The following LYST variants were observed in gnomAD, a reference collection of about 807,000 sequenced individuals.
LYST encodes lysosomal-trafficking regulator.
Under a neutral mutation model 413.6 loss-of-function variants are expected in LYST, and 192 were observed. The observed-to-expected ratio is 0.46, with a 90% CI of 0.41 to 0.52. LYST has a LOEUF of 0.52. Ranked by LOEUF, LYST falls within the 20% of genes least tolerant of loss-of-function variation. LYST has a pLI of 0.00. For synonymous variants in LYST, 1,525 were observed against 1,567.3 expected (o/e 0.97, Z 0.64); for missense variants, 3,815 against 4,499.9 (o/e 0.85, Z 4.35).
chr1:235,865,928 G>T (rs1680452225), intron 1 of LYST, among the ~76,000 whole-genome samples: 1 of 152,108 alleles, frequency 6.6e-6, no homozygotes. Flanking sequence ...CACAAGATTC[G>T]ACTCCCTTAA....
chr1:235,697,154 G>A lies in LYST; in HGVS notation c.10493C>T (p.Ala3498Val), dbSNP rs761761594. Residue 3498 changes from alanine to valine, a missense_variant, in exon 46 of 53, where the codon GCT (alanine) becomes GTT (valine). Around this residue, in one of 4 missense-constraint regions of LYST, gnomAD observed 866 missense variants for 1,156.0 expected, o/e 0.75. Coordinates refer to ENST00000389793, the MANE Select transcript of LYST (RefSeq NM_000081.4). ...ACCACAGATTGCTCTGGTGGGCAGAGCCTGGAGAGAGCCAAATCTTTCTCC... is the reference window on the plus strand; with the variant it reads ...ACCACAGATTGCTCTGGTGGGCAGAACCTGGAGAGAGCCAAATCTTTCTCC... ...PHGERFGSLQ[A>V]LPTRAICGLS... 3 of 1,614,182 alleles carry A rather than the reference G, an allele frequency of 1.9e-6. No homozygotes were observed. The highest frequency in any genetic ancestry group is 2.5e-6 in the Non-Finnish European group (3 of 1,180,014).
In LYST at chr1:235,744,139, A is replaced by C. The variant is rs1202956106; in HGVS notation, c.7991T>G (p.Ile2664Ser). 6.3e-7 allele frequency: 1 copy of C among 1,582,528 alleles called. No individual in the cohort carries two copies. The highest frequency in any genetic ancestry group is 8.7e-7 in the Non-Finnish European group (1 of 1,151,622). The change falls in exon 30 of 53, where the codon ATT (isoleucine) becomes AGT (serine). Residue 2664 changes from isoleucine to serine, a missense_variant. Transcript: ENST00000389793. ...ATTTTCTGGAGTTCTCAAAATGTCA[A>C]TAATGTCTGAATTAAATTCTTTGAA... ...IIYQEFNSDI[I>S]DILRTPENVT...
At chr1:235,751,973 C>T in intron 27 of LYST, 32 bp downstream of exon 27, 1 of 1,515,016 alleles carries the variant, frequency 6.6e-7, no homozygotes, top group Non-Finnish European at 9.1e-7. Flanking sequence ...TTATACAACT[C>T]CCTCCCCAAA....
At chr1:235,713,080 C>G (rs1477979501) in intron 42 of LYST, 1 of 985,272 alleles carries the variant, frequency 1.0e-6, no homozygotes, top group Non-Finnish European at 1.2e-6. Context: ...CTTCTCCCAG[C>G]CTTAGTTGCT....
At chr1:235,701,426 G>A (rs1351573135) in intron 45 of LYST, among the ~76,000 whole-genome samples, 1 of 151,952 alleles carries the variant, frequency 6.6e-6, no homozygotes, top group Non-Finnish European at 1.5e-5. Flanking sequence ...CCAGGAGTTC[G>A]AGACCAGCCC....
At chr1:235,848,498 C>T (rs1678151311) in intron 1 of LYST, among the ~76,000 whole-genome samples, 1 of 151,732 alleles carries the variant, frequency 6.6e-6, no homozygotes, top group Admixed American at 6.6e-5. Flanking sequence ...AACCCAAACC[C>T]AGCAGAAGAA....
Position 235,808,687 on chromosome 1 carries a change from T to C in LYST, c.2131A>G (p.Ile711Val). ...ATTAAATTGCAAATGTGATTTGCAA[T>C]CTGTATACTATGTAATCTGTCTTCT... ...FEEDRLHSIQ[I>V]ANHICNLIQK... is the part of the protein sequence containing the mutation. Residue 711 changes from isoleucine (I) to valine (V), a missense_variant, in exon 5 of 53, where the codon ATT (isoleucine) becomes GTT (valine). Physicochemically the swap from Ile to Val is conservative, Grantham distance 29 (BLOSUM62 3). This residue lies in a region of LYST where 1,648 missense variants were observed against 1,810.3 expected (regional missense o/e 0.91). Transcript: ENST00000389793. 1 of 1,613,936 alleles carries C rather than the reference T, an allele frequency of 6.2e-7. No individual in the cohort carries two copies. Among genetic ancestry groups the C allele is most frequent in the Non-Finnish European group, 8.5e-7 (1 of 1,179,906 alleles).
chr1:235,737,645 C>A (rs543806158), intron 31 of LYST: 1 of 152,588 alleles, frequency 6.6e-6, no homozygotes, highest in African/African-American at 2.4e-5. Flanking sequence ...AAGGCCATGT[C>A]GACACAACAA....
chr1:235,808,451 A>G lies in LYST; in HGVS notation c.2363+4T>C, dbSNP rs201398337. On this transcript the variant is annotated splice_donor_region_variant and intron_variant, in intron 5 of 52. Transcript: ENST00000389793. The stretch of plus-strand genomic sequence containing the variant: ...CCCCCGCCGCCACCCACACACATAC[A>G]AACCTGGATTTAAGCAGGATAGGCA... The G allele has an allele frequency of 1.2e-3, 1,960 of 1,612,428 alleles. 6 individuals are homozygous for G. The highest frequency in any genetic ancestry group is 1.3e-3 in the Non-Finnish European group (1,561 of 1,179,334).
intron 12 of LYST, among the ~76,000 whole-genome samples, chr1:235,791,238 C>T (rs933804039): frequency 1.3e-5 from 2 of 151,814 alleles, no homozygotes; most frequent in Non-Finnish European, 2.9e-5. Flanking sequence ...GCCGAGATCG[C>T]GCCATTGCAC....
chr1:235,779,320 A>T (rs1036129138), intron 16 of LYST, among the ~76,000 whole-genome samples: 1 of 152,230 alleles, frequency 6.6e-6, no homozygotes, highest in Non-Finnish European at 1.5e-5. Context: ...TGTAACTTAT[A>T]TGACCTATAT....
rs765448746 is a variant in LYST, at chr1:235,770,277, C to T, written c.5805G>A (p.Leu1935=). 1 of 1,613,732 alleles carries T rather than the reference C, an allele frequency of 6.2e-7. No homozygotes were observed. Among genetic ancestry groups the T allele is most frequent in the Admixed American group, 1.7e-5 (1 of 59,984 alleles). ...TGATGAGGACTTCTAGAGCTGCTAG[C>T]AAAGTTTCCCAAACACCTTGCTGAA... The part of the protein sequence containing the change: ...SKAEQGVWET[L]LAALEVLIRA... Residue 1935 remains leucine, a synonymous_variant, in exon 20 of 53, where the codon TTG becomes TTA. Transcript: ENST00000389793.
Position 235,730,874 on chromosome 1 carries a change from T to C in LYST, c.9017A>G (p.Lys3006Arg), listed in dbSNP as rs140934482. 1,262 of 1,613,016 alleles carry C rather than the reference T, an allele frequency of 7.8e-4. 2 individuals are homozygous for C. Among genetic ancestry groups the C allele is most frequent in the South Asian group, 1.6e-3 (150 of 91,056 alleles). The change falls in exon 36 of 53, where the codon AAA becomes AGA. Residue 3006 changes from lysine (K) to arginine (R), a missense_variant. Around this residue, in one of 4 missense-constraint regions of LYST, gnomAD observed 866 missense variants for 1,156.0 expected, o/e 0.75. Coordinates refer to ENST00000389793, the MANE Select transcript of LYST (RefSeq NM_000081.4). The stretch of plus-strand genomic sequence containing the variant: ...TATAGATTCACTTGCAGCTTTGTCT[T>C]TGACAGTAGAAGAGAAAGAAGAATG... ...KTHSSFSSTV[K>R]DKAASESIRV...
Position 235,720,811 on chromosome 1 carries a change from G to T in LYST, c.9410C>A (p.Thr3137Asn), listed in dbSNP as rs141320974. The T allele has an allele frequency of 1.4e-5, 22 of 1,613,942 alleles. No homozygotes were observed. Among genetic ancestry groups the T allele is most frequent in the Admixed American group, 5.0e-5 (3 of 60,000 alleles). The change falls in exon 40 of 53, where the codon ACT (threonine) becomes AAT (asparagine). Residue 3137 changes from threonine (T) to asparagine (N), a missense_variant. Around this residue, in one of 4 missense-constraint regions of LYST, gnomAD observed 866 missense variants for 1,156.0 expected, o/e 0.75. Coordinates refer to ENST00000389793, the MANE Select transcript of LYST (RefSeq NM_000081.4). ...NITALTNLWY[T>N]GQITNFEYLT... ...ATATTCAAAATTAGTAATTTGCCCA[G>T]TATACCATAAATTTGTCAGAGCGGT...
chr1:235,830,307 C>A lies in LYST; in HGVS notation c.111G>T (p.Thr37=). 1 of 1,613,808 alleles carries A rather than the reference C, an allele frequency of 6.2e-7. No homozygotes were observed. The highest frequency in any genetic ancestry group is 8.5e-7 in the Non-Finnish European group (1 of 1,179,792). The change falls in exon 3 of 53, where the codon ACG becomes ACT. Residue 37 remains threonine (T), a synonymous_variant. Transcript: ENST00000389793. ...VEAREEEEEE[T]HMATLGQYLV... is the part of the protein sequence containing the mutation. Reference sequence around the variant, plus strand: ...GGTACTGTCCAAGGGTTGCCATGTGCGTCTCCTCCTCTTCTTCCTCCCTGG... The same window carrying A: ...GGTACTGTCCAAGGGTTGCCATGTGAGTCTCCTCCTCTTCTTCCTCCCTGG...
chr1:235,778,008 G>C (rs1669455382), intron 16 of LYST, among the ~76,000 whole-genome samples: 1 of 148,616 alleles, frequency 6.7e-6, no homozygotes, highest in Non-Finnish European at 1.5e-5. Flanking sequence ...CCGTAGCCTT[G>C]AACTCCTAGG....
chr1:235,857,784 C>CACACACACAT (rs145820873), intron 1 of LYST, among the ~76,000 whole-genome samples: 63 of 122,124 alleles, frequency 5.2e-4, no homozygotes, highest in African/African-American at 1.8e-3. Context: ...CACACACACA[C>CACACACACAT]ATATATATAT....
chr1:235,738,814 C>T, intron 31 of LYST: 1 of 804,752 alleles, frequency 1.2e-6, no homozygotes, highest in Non-Finnish European at 2.3e-6. Flanking sequence ...CGGGTGCACC[C>T]AATTTCCACC....
At chr1:235,859,136 T>A (rs1260065061) in intron 1 of LYST, among the ~76,000 whole-genome samples, 1 of 152,216 alleles carries the variant, frequency 6.6e-6, no homozygotes, top group African/African-American at 2.4e-5. Flanking sequence ...CTTATATCTA[T>A]ATCTACCCCA....
Sources: allele counts gnomAD v4.1 joint callset (sites outside exome capture counted in the v4.1 genomes callset), GRCh38; gene constraint gnomAD v4.1.1; regional missense constraint gnomAD v4.1.1; transcripts MANE v1.5; gene names NCBI Gene and HGNC (gene_info 2026-07-23, HGNC 2026-07-21).